The following SERBP1 variants were observed in gnomAD, a reference collection of about 807,000 sequenced individuals.
SERBP1 encodes the protein SERPINE1 mRNA-binding protein 1.
SERBP1 carries 6 observed loss-of-function variants against 50.2 expected under a neutral mutation model. The ratio of observed to expected loss-of-function variants is 0.12; its 90% CI spans 0.07 to 0.24. The LOEUF is 0.24. SERBP1 is among the 10% of genes least tolerant of loss of function. SERBP1 has a pLI of 1.00. For synonymous variants in SERBP1, 168 were observed against 182.8 expected, an observed-to-expected ratio of 0.92 and a Z score of 0.65; for missense variants, 346 against 524.9, an observed-to-expected ratio of 0.66 and a Z score of 3.33.
At chr1:67,417,636 C>T (rs1667059182) in intron 6 of SERBP1, among the ~76,000 whole-genome samples, 1 of 151,932 alleles carries the variant, frequency 6.6e-6, no homozygotes, top group Non-Finnish European at 1.5e-5. Flanking sequence ...CCTCAGCCTC[C>T]CAGGTAACTG....
At chr1:67,413,620 G>T (rs962303944) in intron 7 of SERBP1, among the ~76,000 whole-genome samples, 4 of 145,840 alleles carry the variant, frequency 2.7e-5, no homozygotes, top group African/African-American at 1.0e-4. Flanking sequence ...CTGCACTCCA[G>T]CCTGGGAAAC....
In SERBP1 at chr1:67,424,212, T is replaced by C; in HGVS notation, c.761A>G (p.Asp254Gly). Reference protein sequence around the residue: ...PEGEEHHPVADTENKENEVEE... With the variant: ...PEGEEHHPVAGTENKENEVEE... ...CAATACCACTTACTTATTTTCAGTG[T>C]CTGCCACTGGATGATGTTCTTCACC... Residue 254 changes from aspartate (D) to glycine (G), a missense_variant, in exon 5 of 8, where the codon GAC (aspartate) becomes GGC (glycine). By Grantham distance (94) the Asp-to-Gly change is moderately conservative. Transcript: ENST00000361219. The C allele has an allele frequency of 6.2e-7, 1 of 1,610,972 alleles. No individual in the cohort carries two copies. Among genetic ancestry groups the C allele is most frequent in the Non-Finnish European group, 8.5e-7 (1 of 1,179,006 alleles).
Position 67,409,350 on chromosome 1 carries a change from T to C in SERBP1, c.*3857A>G, listed in dbSNP as rs1666743505. On this transcript the variant is annotated 3_prime_UTR_variant, in exon 8 of 8. Coordinates refer to ENST00000361219, the MANE Select transcript of SERBP1 (RefSeq NM_001018069.2). Reference sequence around the variant, plus strand: ...TGGGTTTTTTTTTTTTTTAATCCTATACAAGCCTAAAAACCATTCTTAACT... The same window carrying C: ...TGGGTTTTTTTTTTTTTTAATCCTACACAAGCCTAAAAACCATTCTTAACT... 6.9e-6 allele frequency: 1 copy of C among 145,460 alleles called. No individual in the cohort carries two copies. The highest frequency in any genetic ancestry group is 1.5e-5 in the Non-Finnish European group (1 of 66,628). 9.0% of individuals were successfully genotyped at this position (145,460 alleles called of 1,614,324 possible).
At chr1:67,419,807 T>C (rs1667146743) in intron 6 of SERBP1, 1 of 561,248 alleles carries the variant, frequency 1.8e-6, no homozygotes, top group East Asian at 3.1e-5. Context: ...TAAAACATAA[T>C]TACAAATTGA....
At chr1:67,413,788 G>A (rs1197535232) in intron 7 of SERBP1, among the ~76,000 whole-genome samples, 1 of 152,078 alleles carries the variant, frequency 6.6e-6, no homozygotes, top group Non-Finnish European at 1.5e-5. Flanking sequence ...TCATTCCAGA[G>A]TAATAATATG....
At chr1:67,429,768 G>A (rs2100454026) in intron 1 of SERBP1, 1 of 521,274 alleles carries the variant, frequency 1.9e-6, no homozygotes, top group East Asian at 3.5e-5. Flanking sequence ...GAGGCGGGAA[G>A]GGGATGGCTC....
chr1:67,422,612 A>T (rs1192548573), intron 5 of SERBP1, among the ~76,000 whole-genome samples: 1 of 152,000 alleles, frequency 6.6e-6, no homozygotes, highest in East Asian at 1.9e-4. Context: ...GTCCTAAATA[A>T]CCTGTAATCC....
intron 1 of SERBP1, among the ~76,000 whole-genome samples, chr1:67,429,110 G>A (rs1325819958): frequency 2.6e-5 from 4 of 151,754 alleles, no homozygotes; most frequent in Non-Finnish European, 5.9e-5. Flanking sequence ...ACGCACATGT[G>A]GTGGAAAAAA....
In SERBP1 at chr1:67,410,242, TACAAAA is replaced by T. The variant is rs1666782671; in HGVS notation, c.*2959_*2964del. ...CTTTCCTAAAGACATGTTAGGTTGG[TACAAAA>T]CCAATTGCACCAACCTAGTATTTTC... is the stretch of plus-strand genomic sequence containing the variant. On this transcript the variant is annotated 3_prime_UTR_variant, in exon 8 of 8. Transcript: ENST00000361219. The T allele has an allele frequency of 6.6e-6, 1 of 152,192 alleles. No homozygotes were observed. The highest frequency in any genetic ancestry group is 2.4e-5 in the African/African-American group (1 of 41,450). 9.4% of individuals were successfully genotyped at this position (152,192 alleles called of 1,614,324 possible).
chr1:67,415,113 G>A, intron 7 of SERBP1, 53 bp downstream of exon 7: 2 of 1,493,560 alleles, frequency 1.3e-6, no homozygotes, highest in East Asian at 2.4e-5. Context: ...CCCAGCCAGT[G>A]ACTTATAAGA....
intron 6 of SERBP1, among the ~76,000 whole-genome samples, chr1:67,417,975 T>TTTG (rs1553133925): frequency 2.2e-5 from 3 of 135,782 alleles, no homozygotes; most frequent in Non-Finnish European, 3.2e-5. Context: ...AGTGTTGTTT[T>TTTG]TTTTTTTTTT....
At position 67,415,232 on chromosome 1, in the gene SERBP1, G is replaced by T. The variant is rs368295562; in HGVS notation, c.1059C>A (p.Gly353=). 3 of 1,612,670 alleles carry T rather than the reference G, an allele frequency of 1.9e-6. No individual in the cohort carries two copies. Among genetic ancestry groups the T allele is most frequent in the Middle Eastern group, 1.6e-4 (1 of 6,074 alleles). The change falls in exon 7 of 8, where the codon GGC becomes GGA. Residue 353 remains glycine, a synonymous_variant. Coordinates refer to ENST00000361219, the MANE Select transcript of SERBP1 (RefSeq NM_001018069.2). ...CACGTCCACCTCGTCCTCCCCTGCC[G>T]CCACGTCCTGGGCGGCCAAGGTCTC... The part of the protein sequence containing the change: ...NFGDLGRPGR[G]GRGGRGGRGR...
rs1169640781 is a variant in SERBP1 at position 67,409,432 on chromosome 1, C to CACACACACACACACA, written c.*3774_*3775insTGTGTGTGTGTGTGT. 3 of 148,196 alleles carry CACACACACACACACA rather than the reference C, an allele frequency of 2.0e-5. No homozygotes were observed. Among genetic ancestry groups the CACACACACACACACA allele is most frequent in the African/African-American group, 2.5e-5 (1 of 40,104 alleles). 9.2% of individuals were successfully genotyped at this position (148,196 alleles called of 1,614,324 possible). A position where few individuals can be genotyped will look rare whatever the true frequency, so the allele number is the denominator to read the frequency against. The stretch of plus-strand genomic sequence containing the variant: ...ACACACACACACACCCCCACACACA[C>CACACACACACACACA]CAGGTCACAGGCTGAACTTTGCTGA... On this transcript the variant is annotated 3_prime_UTR_variant, in exon 8 of 8. Transcript: ENST00000361219.
chr1:67,429,292 A>C (rs1667487236), intron 1 of SERBP1: 1 of 152,234 alleles, frequency 6.6e-6, no homozygotes, highest in South Asian at 2.1e-4. Context: ...ACCAGTCTTC[A>C]TTCATAATTC....
At chr1:67,413,503 A>T (rs1666905491) in intron 7 of SERBP1, among the ~76,000 whole-genome samples, 1 of 152,054 alleles carries the variant, frequency 6.6e-6, no homozygotes, top group African/African-American at 2.4e-5. Flanking sequence ...ATAAACAATT[A>T]GCTGGGTGTG....
chr1:67,415,983 A>C (rs1666991544), intron 6 of SERBP1, among the ~76,000 whole-genome samples: 1 of 151,902 alleles, frequency 6.6e-6, no homozygotes, highest in South Asian at 2.1e-4. Context: ...GCACAAATAA[A>C]ACCACACCTT....
rs1428553716 is a variant in SERBP1 at position 67,415,402 on chromosome 1, A to G, written c.952-63T>C. 5.6e-6 allele frequency: 8 copies of G among 1,430,644 alleles called. No individual in the cohort carries two copies. The East Asian group carries it at 1.3e-4, about 23-fold the overall frequency. 88.6% of individuals were successfully genotyped at this position (1,430,644 alleles called of 1,614,324 possible). ...AAAAGTAACATTGCAAAATTTCTAA[A>G]TAATGAGCTTTCTTCTAAAAAAAAC... On this transcript the variant is annotated intron_variant, in intron 6 of 7. Coordinates refer to ENST00000361219, the MANE Select transcript of SERBP1 (RefSeq NM_001018069.2).
rs922306462 is a variant in SERBP1, at chr1:67,411,724, C to T, written c.*1483G>A. ...AGAAATGTTTAAGATTGAAGATGTCCAATATTTTTAAAACTGGACATTACC... is the reference window on the plus strand; with the variant it reads ...AGAAATGTTTAAGATTGAAGATGTCTAATATTTTTAAAACTGGACATTACC... On this transcript the variant is annotated 3_prime_UTR_variant, in exon 8 of 8. Transcript: ENST00000361219. The T allele has an allele frequency of 6.6e-6, 1 of 152,036 alleles. No homozygotes were observed. The highest frequency in any genetic ancestry group is 2.4e-5 in the African/African-American group (1 of 41,410). 9.4% of individuals were successfully genotyped at this position (152,036 alleles called of 1,614,324 possible).
At chr1:67,416,349 C>A (rs1196135592) in intron 6 of SERBP1, among the ~76,000 whole-genome samples, 1 of 152,168 alleles carries the variant, frequency 6.6e-6, no homozygotes, top group Non-Finnish European at 1.5e-5. Context: ...TTTGTGAAAT[C>A]CAGATCCTCT....
Sources: allele counts gnomAD v4.1 joint callset (sites outside exome capture counted in the v4.1 genomes callset), GRCh38; gene constraint gnomAD v4.1.1; transcripts MANE v1.5; gene names NCBI Gene and HGNC (gene_info 2026-07-23, HGNC 2026-07-21).